WDR72: variants seen among roughly 807,000 people sequenced by gnomAD.
WDR72 encodes the protein WD repeat-containing protein 72.
In WDR72, 120 loss-of-function variants were observed where a neutral mutation model predicts 124.2. The observed-to-expected ratio is 0.97, with a 90% confidence interval of 0.83 to 1.12. The LOEUF is 1.12. Among genes scored for constraint, WDR72 ranks in the 50% most tolerant of loss-of-function variants. The pLI, the probability that WDR72 is intolerant of heterozygous loss-of-function variation, is 0.00. For synonymous variants in WDR72, 452 were observed against 441.7 expected (o/e 1.02, Z -0.29); for missense variants, 1,387 against 1,278.8 (o/e 1.08, Z -1.29).
At chr15:53,592,566 A>G (rs192536097) in intron 18 of WDR72, among the ~76,000 whole-genome samples, 8 of 152,226 alleles carry the variant, frequency 5.3e-5, no homozygotes, top group Admixed American at 3.9e-4. Context: ...AATTTTCTAG[A>G]TAAGTCTTTG....
At chr15:53,536,458 C>T (rs1892768041) in intron 18 of WDR72, among the ~76,000 whole-genome samples, 1 of 152,096 alleles carries the variant, frequency 6.6e-6, no homozygotes, top group Non-Finnish European at 1.5e-5. Flanking sequence ...AAAGAGCTGT[C>T]TGAAACGCTA....
chr15:53,623,191 T>A (rs937849282), intron 14 of WDR72, among the ~76,000 whole-genome samples: 6 of 152,128 alleles, frequency 3.9e-5, no homozygotes. Context: ...ATTTGTGGTT[T>A]GGGATATGAT....
chr15:53,567,033 G>C (rs1037110539), intron 18 of WDR72, among the ~76,000 whole-genome samples: 1 of 151,908 alleles, frequency 6.6e-6, no homozygotes, highest in African/African-American at 2.4e-5. Context: ...GCAGTCCCAG[G>C]AGAGTGTCTG....
intron 18 of WDR72, among the ~76,000 whole-genome samples, chr15:53,566,778 AATT>A (rs1361161156): frequency 6.6e-6 from 1 of 151,996 alleles, no homozygotes; most frequent in African/African-American, 2.4e-5. Context: ...TTTACAAATA[AATT>A]ATTAATACCC....
chr15:53,650,714 CCACTGG>C (rs1253865333), intron 14 of WDR72, among the ~76,000 whole-genome samples: 2 of 152,062 alleles, frequency 1.3e-5, no homozygotes, highest in African/African-American at 4.8e-5. Flanking sequence ...GCGGTTCCTC[CCACTGG>C]CACTTTGGGA....
chr15:53,609,681 G>A (rs747960474), intron 16 of WDR72, 89 bp from the exon 17 acceptor site: 16 of 1,136,322 alleles, frequency 1.4e-5, no homozygotes, highest in Non-Finnish European at 2.1e-5. Context: ...AATCACCTGG[G>A]AAGCTTTGTT....
At chr15:53,564,407 A>T (rs953815913) in intron 18 of WDR72, among the ~76,000 whole-genome samples, 3 of 152,038 alleles carry the variant, frequency 2.0e-5, no homozygotes, top group African/African-American at 7.2e-5. Flanking sequence ...CTCATATCCT[A>T]GGACAGCATC....
chr15:53,638,508 A>G (rs769259682), intron 14 of WDR72, among the ~76,000 whole-genome samples: 1 of 151,192 alleles, frequency 6.6e-6, no homozygotes, highest in Admixed American at 6.6e-5. Flanking sequence ...ACATTTTGTT[A>G]TTGGTACTTT....
In WDR72 at chr15:53,710,879, G is replaced by A. The variant is rs1033956351; in HGVS notation, c.932C>T (p.Ser311Phe). 1.2e-6 allele frequency: 2 copies of A among 1,613,532 alleles called. No homozygotes were observed. Among genetic ancestry groups the A allele is most frequent in the Non-Finnish European group, 1.7e-6 (2 of 1,179,538 alleles). ...KETIYPHLLC[S>F]TSVQENKEQS... is the part of the protein sequence containing the mutation. Reference sequence around the variant, plus strand: ...TACCTTATTTTCCTGCACAGAAGTAGAGCACAGTAAATGAGGATAAATGGT... The same window carrying A: ...TACCTTATTTTCCTGCACAGAAGTAAAGCACAGTAAATGAGGATAAATGGT... The change falls in exon 9 of 20, where the codon TCT becomes TTT. Residue 311 changes from serine (S) to phenylalanine (F), a missense_variant. Coordinates refer to ENST00000360509, the MANE Select transcript of WDR72 (RefSeq NM_182758.4).
chr15:53,601,192 G>A (rs1297826444), intron 17 of WDR72, among the ~76,000 whole-genome samples: 1 of 152,082 alleles, frequency 6.6e-6, no homozygotes, highest in Admixed American at 6.6e-5. Flanking sequence ...AGAAGAGATT[G>A]GGGGACAATA....
At position 53,556,824 on chromosome 15, in the gene WDR72, A is replaced by G. The variant is rs189931924; in HGVS notation, c.3149-33502T>C. 2.7e-4 allele frequency among the ~76,000 whole-genome samples: 41 copies of G among 152,236 alleles called. 1 individual carries two copies. Among genetic ancestry groups the G allele is most frequent in the African/African-American group, 9.4e-4 (39 of 41,548 alleles). On this transcript the variant is annotated intron_variant, in intron 18 of 19. Transcript: ENST00000360509. Reference sequence around the variant, plus strand: ...GGTCTTTACAGAAATGTAAATTATGAGTATAGCGCATGCTGAGTACATGTG... The same window carrying G: ...GGTCTTTACAGAAATGTAAATTATGGGTATAGCGCATGCTGAGTACATGTG...
intron 18 of WDR72, among the ~76,000 whole-genome samples, chr15:53,570,229 G>A (rs966486672): frequency 6.6e-6 from 1 of 150,930 alleles, no homozygotes; most frequent in Non-Finnish European, 1.5e-5. Flanking sequence ...TGGCTAGATT[G>A]AGCTAAATAA....
In WDR72 at chr15:53,699,871, A is replaced by G; in HGVS notation, c.1644T>C (p.Ser548=). 1 of 1,614,032 alleles carries G rather than the reference A, an allele frequency of 6.2e-7. No individual in the cohort carries two copies. Among genetic ancestry groups the G allele is most frequent in the Non-Finnish European group, 8.5e-7 (1 of 1,180,006 alleles). ...SVALLHLEGK[S]CLLHARKHLF... ...GGTGCTTCCGGGCATGCAGGAGGCAACTCTTTCCCTCAAGGTGAAGGAGAG... is the reference window on the plus strand; with the variant it reads ...GGTGCTTCCGGGCATGCAGGAGGCAGCTCTTTCCCTCAAGGTGAAGGAGAG... The change falls in exon 13 of 20, where the codon AGT becomes AGC. Residue 548 remains serine (S), a synonymous_variant. Transcript: ENST00000360509.
intron 13 of WDR72, among the ~76,000 whole-genome samples, chr15:53,693,896 G>A (rs1294222479): frequency 1.3e-5 from 2 of 152,140 alleles, no homozygotes; most frequent in Non-Finnish European, 2.9e-5. Context: ...TCAGAGGCTG[G>A]GTGCTCATGC....
At chr15:53,706,797 A>C (rs2017392784) in intron 9 of WDR72, among the ~76,000 whole-genome samples, 1 of 151,980 alleles carries the variant, frequency 6.6e-6, no homozygotes, top group South Asian at 2.1e-4. Context: ...TGATTCCATA[A>C]TTTATAATGG....
intron 13 of WDR72, among the ~76,000 whole-genome samples, chr15:53,671,477 A>G (rs1407287654): frequency 6.6e-6 from 1 of 152,202 alleles, no homozygotes; most frequent in East Asian, 1.9e-4. Context: ...TTTGGCAAGT[A>G]TGTGTTCCAT....
chr15:53,523,166 A>AGCTGT, intron 19 of WDR72, 52 bp downstream of exon 19: 1 of 1,564,286 alleles, frequency 6.4e-7, no homozygotes. Flanking sequence ...AGGACCCCAA[A>AGCTGT]GCTGTGTCAA....
chr15:53,754,152 T>A (rs2018841118), intron 1 of WDR72, among the ~76,000 whole-genome samples: 1 of 152,164 alleles, frequency 6.6e-6, no homozygotes, highest in Admixed American at 6.5e-5. Flanking sequence ...GACTAAAGAC[T>A]GTTTAGTCTA....
At chr15:53,549,733 A>G (rs952250732) in intron 18 of WDR72, among the ~76,000 whole-genome samples, 11 of 152,316 alleles carry the variant, frequency 7.2e-5, no homozygotes, top group Non-Finnish European at 1.2e-4. Context: ...TTGGTTTTAT[A>G]GTTAAATTAA....
Sources: allele counts gnomAD v4.1 joint callset (sites outside exome capture counted in the v4.1 genomes callset), GRCh38; gene constraint gnomAD v4.1.1; transcripts MANE v1.5; gene names NCBI Gene and HGNC (gene_info 2026-07-23, HGNC 2026-07-21).